Variants in ZFP62 observed in about 807,000 individuals in gnomAD.
ZFP62 encodes the protein ZFP62 zinc finger protein, also known as zinc finger protein 62 homolog.
Under a neutral mutation model 56.4 loss-of-function variants are expected in ZFP62, and 44 were observed. The ratio of observed to expected loss-of-function variants is 0.78; its 90% confidence interval spans 0.61 to 1.00. The LOEUF (loss-of-function observed/expected upper bound fraction) is 1.00. Among genes scored for constraint, ZFP62 ranks in the 50% least tolerant of loss-of-function variants. The pLI is 0.00. For missense variants in ZFP62, 1,030 were observed against 1,085.7 expected, an observed-to-expected ratio of 0.95 and a Z score of 0.72; for synonymous variants, 421 against 388.9, an observed-to-expected ratio of 1.08 and a Z score of -0.97.
chr5:180,841,717 T>C, the ZFP62 span, among the ~76,000 whole-genome samples: 1 of 152,158 alleles, frequency 6.6e-6, no homozygotes, highest in African/African-American at 2.4e-5. Flanking sequence ...TGCTACTATG[T>C]TCAAGGAAAA....
At chr5:180,838,976 G>A in the ZFP62 span, among the ~76,000 whole-genome samples, 1 of 152,288 alleles carries the variant, frequency 6.6e-6, no homozygotes, top group East Asian at 1.9e-4. Context: ...CTGCAACACT[G>A]TTGATACTAA....
chr5:180,838,817 A>G, the ZFP62 span, among the ~76,000 whole-genome samples: 2 of 149,472 alleles, frequency 1.3e-5, no homozygotes, highest in Non-Finnish European at 1.5e-5. Context: ...AGTTTCATAC[A>G]CTATTGTCAA....
downstream of ZFP62, among the ~76,000 whole-genome samples, chr5:180,847,159 G>A (rs1277090439): frequency 2.0e-5 from 3 of 152,214 alleles, no homozygotes; most frequent in Non-Finnish European, 2.9e-5. Context: ...AAGACAATGG[G>A]TTTTGAAACC....
chr5:180,827,767 G>C, the ZFP62 span, among the ~76,000 whole-genome samples: 2 of 152,204 alleles, frequency 1.3e-5, no homozygotes, highest in African/African-American at 4.8e-5. Flanking sequence ...TCTGTCTCCT[G>C]CCCGTCCCTG....
intron 1 of ZFP62, among the ~76,000 whole-genome samples, chr5:180,859,090 G>A (rs1774163368): frequency 6.6e-6 from 1 of 152,124 alleles, no homozygotes; most frequent in Admixed American, 6.5e-5. Flanking sequence ...CACTTTTCAA[G>A]AGCCGAGACA....
In ZFP62 at chr5:180,851,353, T is replaced by G; in HGVS notation, c.142A>C (p.Lys48Gln). The G allele has an allele frequency of 1.9e-6, 3 of 1,551,710 alleles. No homozygotes were observed. Among genetic ancestry groups the G allele is most frequent in the Non-Finnish European group, 2.6e-6 (3 of 1,147,002 alleles). ...GGCTTTTTCTGTTGATTCTCTACCT[T>G]GCTATCCCAAACACATGTGTCACCA... The part of the protein sequence containing the change: ...KVGDTCVWDS[K>Q]VENQQKKPVE... Residue 48 changes from lysine to glutamine, a missense_variant, in exon 2 of 2, where the codon AAG (lysine) becomes CAG (glutamine). Physicochemically the swap from Lys to Gln is moderately conservative, Grantham distance 53 (BLOSUM62 1). Coordinates refer to ENST00000502412, the MANE Select transcript of ZFP62 (RefSeq NM_001172638.2).
chr5:180,841,354 T>C, the ZFP62 span, among the ~76,000 whole-genome samples: 5 of 151,756 alleles, frequency 3.3e-5, no homozygotes, highest in Non-Finnish European at 7.4e-5. Context: ...TTACTAAGGC[T>C]AGGAACTTGA....
chr5:180,849,826 C>G lies in ZFP62; in HGVS notation c.1669G>C (p.Gly557Arg), dbSNP rs1773591310. The change falls in exon 2 of 2, where the codon GGG (glycine) becomes CGG (arginine). Residue 557 changes from glycine (G) to arginine (R), a missense_variant. By Grantham distance (125) the Gly-to-Arg change is moderately radical. Coordinates refer to ENST00000502412, the MANE Select transcript of ZFP62 (RefSeq NM_001172638.2). ...GLKVHKRIHT[G>R]ERPYKCEECG... ...TCTTCACATTTGTAAGGTCGTTCCC[C>G]AGTGTGGATTCGTTTATGTACTTTA... The G allele has an allele frequency of 6.4e-7, 1 of 1,551,864 alleles. No homozygotes were observed. The highest frequency in any genetic ancestry group is 2.0e-5 in the Admixed American group (1 of 50,982).
At chr5:180,856,051 G>T (rs558553204) in intron 1 of ZFP62, among the ~76,000 whole-genome samples, 1 of 152,274 alleles carries the variant, frequency 6.6e-6, no homozygotes, top group Non-Finnish European at 1.5e-5. Flanking sequence ...TGGATTATTC[G>T]TTTTCTTCCT....
At position 180,852,342 on chromosome 5, in the gene ZFP62, G is replaced by A. The variant is rs182557114; in HGVS notation, c.2-849C>T. 2.1e-3 allele frequency among the ~76,000 whole-genome samples: 317 copies of A among 152,160 alleles called. 1 individual carries two copies. Among genetic ancestry groups the A allele is most frequent in the African/African-American group, 7.3e-3 (305 of 41,526 alleles). On this transcript the variant is annotated intron_variant, in intron 1 of 1. Transcript: ENST00000502412. ...AGAAGCTGAGGTGGGCGGATCACGAGGTCAAGAGATCGAGACCATCCTGGC... is the reference window on the plus strand; with the variant it reads ...AGAAGCTGAGGTGGGCGGATCACGAAGTCAAGAGATCGAGACCATCCTGGC...
In ZFP62 at chr5:180,851,002, C is replaced by T; in HGVS notation, c.493G>A (p.Gly165Arg). 6.4e-7 allele frequency: 1 copy of T among 1,551,948 alleles called. No homozygotes were observed. Among genetic ancestry groups the T allele is most frequent in the Non-Finnish European group, 8.7e-7 (1 of 1,147,146 alleles). Residue 165 changes from glycine (G) to arginine (R), a missense_variant, in exon 2 of 2, where the codon GGG (glycine) becomes AGG (arginine). By Grantham distance (125) the Gly-to-Arg change is moderately radical. Transcript: ENST00000502412. ...TCATCACATTCATAGCGCTTTTCCCCAGTGTGCATAATTTTATGTTGAACA... is the reference window on the plus strand; with the variant it reads ...TCATCACATTCATAGCGCTTTTCCCTAGTGTGCATAATTTTATGTTGAACA... ...RLVQHKIMHT[G>R]EKRYECDDCG...
chr5:180,840,833 G>A, the ZFP62 span, among the ~76,000 whole-genome samples: 17 of 151,870 alleles, frequency 1.1e-4, no homozygotes, highest in Admixed American at 1.0e-3. Context: ...TGGGGTTGGG[G>A]AGGAAGGTGT....
rs1773495094 is a variant in ZFP62, at chr5:180,848,391, C to T, written c.*401G>A. On this transcript the variant is annotated 3_prime_UTR_variant, in exon 2 of 2. Transcript: ENST00000502412. ...CACTGACCAATGTGTAATTGGGATT[C>T]AAAGCTATACCTGAATTTCCTACAT... 1.0e-6 allele frequency: 1 copy of T among 994,030 alleles called. No homozygotes were observed. Among genetic ancestry groups the T allele is most frequent in the Non-Finnish European group, 1.2e-6 (1 of 835,530 alleles). 61.6% of individuals were successfully genotyped at this position (994,030 alleles called of 1,614,324 possible). A position where few individuals can be genotyped will look rare whatever the true frequency, so the allele number is the denominator to read the frequency against.
At chr5:180,837,263 C>G in the ZFP62 span, among the ~76,000 whole-genome samples, 12 of 152,348 alleles carry the variant, frequency 7.9e-5, no homozygotes, top group African/African-American at 2.9e-4. Context: ...TGCGTCCTCC[C>G]CATCTTTTCT....
chr5:180,855,031 T>C (rs1040967271), intron 1 of ZFP62, among the ~76,000 whole-genome samples: 2 of 152,238 alleles, frequency 1.3e-5, no homozygotes, highest in Admixed American at 6.5e-5. Flanking sequence ...GAAAACTTAC[T>C]GTAGTTATCT....
rs1561906005 is a variant in ZFP62, at chr5:180,851,249, CT to C, written c.245del (p.Lys82ArgfsTer15). 1.3e-6 allele frequency: 2 copies of C among 1,551,638 alleles called. No homozygotes were observed. Among genetic ancestry groups the C allele is most frequent in the South Asian group, 2.4e-5 (2 of 84,064 alleles). ...ISKAKSTANI[K>X]TEQEGEASEK... ...CAGATGCCTCACCTTCCTGTTCTGT[CT>C]TTATATTTGCTGTACTCTTGGCTTT... On this transcript the variant is annotated frameshift_variant, in exon 2 of 2. Transcript: ENST00000502412. LOFTEE classifies it high-confidence loss of function.
chr5:180,846,415 A>G (rs1186502771), downstream of ZFP62, among the ~76,000 whole-genome samples: 1 of 152,206 alleles, frequency 6.6e-6, no homozygotes, highest in Non-Finnish European at 1.5e-5. Flanking sequence ...GCACATGGAA[A>G]CCTCAGGTTA....
chr5:180,836,085 G>A, the ZFP62 span, among the ~76,000 whole-genome samples: 32,531 of 152,132 alleles, frequency 0.21, 4,937 homozygotes, highest in African/African-American at 0.44. Flanking sequence ...TTGCAGCCCC[G>A]GCGCATTAGG....
At chr5:180,846,475 G>C (rs1328612925), downstream of ZFP62, among the ~76,000 whole-genome samples, 1 of 152,184 alleles carries the variant, frequency 6.6e-6, no homozygotes, top group South Asian at 2.1e-4. Context: ...CCCAATCCAT[G>C]TCCCCACGAC....
Sources: allele counts gnomAD v4.1 joint callset (sites outside exome capture counted in the v4.1 genomes callset), GRCh38; gene constraint gnomAD v4.1.1; transcripts MANE v1.5; gene names NCBI Gene and HGNC (gene_info 2026-07-23, HGNC 2026-07-21).